Variants in EXOC3L1 observed in about 807,000 individuals in gnomAD.
The protein encoded by EXOC3L1 is exocyst complex component 3 like 1, also known as exocyst complex component 3-like protein.
Under a neutral mutation model 83.6 loss-of-function variants are expected in EXOC3L1, and 79 were observed. The ratio of observed to expected loss-of-function variants is 0.95; its 90% confidence interval spans 0.79 to 1.14. The LOEUF is 1.14. EXOC3L1 is among the 50% of genes most tolerant of loss of function. EXOC3L1 has a pLI of 0.00. For synonymous variants in EXOC3L1, 433 were observed against 451.2 expected (o/e 0.96, Z 0.51); for missense variants, 945 against 972.0 (o/e 0.97, Z 0.37).
At position 67,187,526 on chromosome 16, in the gene EXOC3L1, G is replaced by T. The variant is rs747625411; in HGVS notation, c.739C>A (p.Arg247Ser). Reference protein sequence around the residue: ...LGQVPRDWRQRCLRALQEGLE... With the variant: ...LGQVPRDWRQSCLRALQEGLE... ...CCCTCCTGTAGTGCCCTCAGACAGC[G>T]CTGACGCCAGTCCCGGGGGACCTGG... The change falls in exon 5 of 14, where the codon CGC (arginine) becomes AGC (serine). Residue 247 changes from arginine (R) to serine (S), a missense_variant. Transcript: ENST00000314586. 1.9e-6 allele frequency: 3 copies of T among 1,602,310 alleles called. No individual in the cohort carries two copies. The highest frequency in any genetic ancestry group is 1.1e-5 in the South Asian group (1 of 90,936).
chr16:67,184,618 A>T lies in EXOC3L1; in HGVS notation c.2031-14T>A. 6.3e-7 allele frequency: 1 copy of T among 1,586,002 alleles called. No individual in the cohort carries two copies. Among genetic ancestry groups the T allele is most frequent in the Non-Finnish European group, 8.5e-7 (1 of 1,171,242 alleles). On this transcript the variant is annotated splice_polypyrimidine_tract_variant and intron_variant, in intron 13 of 13. Transcript: ENST00000314586. ...ACGTGGTCCTCGCTGCAGGGGCACCAAGGAGGCGCGTCAGCCCCGTCCTCC... is the reference window on the plus strand; with the variant it reads ...ACGTGGTCCTCGCTGCAGGGGCACCTAGGAGGCGCGTCAGCCCCGTCCTCC...
At chr16:67,186,517 C>T (rs761804020) in intron 8 of EXOC3L1, 40 bp downstream of exon 8, 1 of 1,597,422 alleles carries the variant, frequency 6.3e-7, no homozygotes, top group Non-Finnish European at 8.6e-7. Flanking sequence ...GCCTGGGGAG[C>T]AGGGATAGGG....
At chr16:67,186,405 C>T (rs1416707884) in intron 8 of EXOC3L1, 58 bp from the exon 9 acceptor site, 3 of 1,441,364 alleles carry the variant, frequency 2.1e-6, no homozygotes, top group Non-Finnish European at 2.9e-6. Context: ...CCCACAGCCC[C>T]AGTCCCTGGT....
chr16:67,185,198 C>A lies in EXOC3L1; in HGVS notation c.1687G>T (p.Val563Leu). 6.2e-7 allele frequency: 1 copy of A among 1,613,204 alleles called. No individual in the cohort carries two copies. The highest frequency in any genetic ancestry group is 8.5e-7 in the Non-Finnish European group (1 of 1,179,970). Residue 563 changes from valine to leucine, a missense_variant, in exon 11 of 14, where the codon GTG becomes TTG. Val to Leu is a conservative substitution (Grantham distance 32). Transcript: ENST00000314586. Reference protein sequence around the residue: ...WLSSPELLQSVCERTGRFCRD... With the variant: ...WLSSPELLQSLCERTGRFCRD... Reference sequence around the variant, plus strand: ...CAGAAGCGCCCCGTCCGTTCACACACACTTTGCAGGAGCTCAGGGCTCGAC... The same window carrying A: ...CAGAAGCGCCCCGTCCGTTCACACAAACTTTGCAGGAGCTCAGGGCTCGAC...
At position 67,189,026 on chromosome 16, in the gene EXOC3L1, G is replaced by A; in HGVS notation, c.201C>T (p.Arg67=). ...CCCCCTGCCCCATGCCCACCTTGAG[G>A]CGCGATTCCAGGGAGCAGGTACGCT... is the stretch of plus-strand genomic sequence containing the variant. The part of the protein sequence containing the change: ...EVQRTCSLES[R]LKSVMQSYLE... Residue 67 remains arginine, a synonymous_variant, in exon 3 of 14, where the codon CGC becomes CGT. Coordinates refer to ENST00000314586, the MANE Select transcript of EXOC3L1 (RefSeq NM_178516.4). 1.9e-6 allele frequency: 3 copies of A among 1,604,080 alleles called. No homozygotes were observed. The highest frequency in any genetic ancestry group is 1.3e-5 in the African/African-American group (1 of 74,886).
chr16:67,185,109 C>G, intron 11 of EXOC3L1, 27 bp downstream of exon 11: 1 of 1,612,966 alleles, frequency 6.2e-7, no homozygotes, highest in Non-Finnish European at 8.5e-7. Flanking sequence ...CGCGCCGCCC[C>G]TTCCCCAATC....
chr16:67,189,235 C>T (rs746486475), intron 2 of EXOC3L1, 55 bp from the exon 3 acceptor site: 2 of 1,443,694 alleles, frequency 1.4e-6, no homozygotes, highest in Admixed American at 5.1e-5. Context: ...CCCAACGACC[C>T]CAGTCCCAGC....
At position 67,184,507 on chromosome 16, in the gene EXOC3L1, A is replaced by G. The variant is rs916400454; in HGVS notation, c.2128T>C (p.Ser710Pro). Residue 710 changes from serine (S) to proline (P), a missense_variant, in exon 14 of 14, where the codon TCG (serine) becomes CCG (proline). Physicochemically the swap from Ser to Pro is moderately conservative, Grantham distance 74 (BLOSUM62 -1). Coordinates refer to ENST00000314586, the MANE Select transcript of EXOC3L1 (RefSeq NM_178516.4). ...AGGACGCGGCGGCTCGCGCGGGGCG[A>G]CGGCGGCAGCGCAGCCTGCAGGGAG... ...LSSLQAALPP[S>P]PRASRRVLFS... 5 of 1,519,058 alleles carry G rather than the reference A, an allele frequency of 3.3e-6. No homozygotes were observed. Among genetic ancestry groups the G allele is most frequent in the Non-Finnish European group, 4.4e-6 (5 of 1,141,146 alleles). The allele number at this position is 1,519,058 out of a possible 1,614,324, so 94.1% of individuals were successfully genotyped here.
chr16:67,184,713 C>A lies in EXOC3L1; in HGVS notation c.2003G>T (p.Gly668Val). 6.3e-7 allele frequency: 1 copy of A among 1,578,626 alleles called. No individual in the cohort carries two copies. Residue 668 changes from glycine (G) to valine (V), a missense_variant, in exon 13 of 14, where the codon GGC becomes GTC. Transcript: ENST00000314586. ...DPALLGLEVA[G>V]LRQQFPDVSE... ...CACGTCGGGAAATTGTTGCCGCAGG[C>A]CAGCCACCTCCAGGCCCAGCAGCGC...
chr16:67,185,810 T>A, intron 9 of EXOC3L1: 1 of 506,282 alleles, frequency 2.0e-6, no homozygotes, highest in Non-Finnish European at 3.6e-6. Flanking sequence ...TCATCACTTG[T>A]TTTCCTTGCC....
Position 67,186,843 on chromosome 16 carries a change from C to T in EXOC3L1, c.1200G>A (p.Glu400=). 3.1e-6 allele frequency: 5 copies of T among 1,613,626 alleles called. No homozygotes were observed. Among genetic ancestry groups the T allele is most frequent in the African/African-American group, 1.3e-5 (1 of 75,066 alleles). The change falls in exon 7 of 14, where the codon GAG becomes GAA. Residue 400 remains glutamate, a synonymous_variant. Coordinates refer to ENST00000314586, the MANE Select transcript of EXOC3L1 (RefSeq NM_178516.4). ...SQWLQNALDG[E]VAEWGREHGP... is the part of the protein sequence containing the mutation. Reference sequence around the variant, plus strand: ...CATGCTCCCGGCCCCACTCAGCTACCTCCCCATCCAGTGCATTCTGCAGCC... The same window carrying T: ...CATGCTCCCGGCCCCACTCAGCTACTTCCCCATCCAGTGCATTCTGCAGCC...
Position 67,188,593 on chromosome 16 carries a change from A to G in EXOC3L1, c.427+128T>C, listed in dbSNP as rs183358436. 1.5e-5 allele frequency: 13 copies of G among 865,144 alleles called. No individual in the cohort carries two copies. The East Asian group carries it at 3.5e-4, about 23-fold the overall frequency. The allele number at this position is 865,144 out of a possible 1,614,324, so 53.6% of individuals were successfully genotyped here. A position where few individuals can be genotyped will look rare whatever the true frequency, so the allele number is the denominator to read the frequency against. ...TCATAGGCCATGGGAAGCCCGGGCTACTGTCTGGGAGGTCCCTGGTGTGCT... is the reference window on the plus strand; with the variant it reads ...TCATAGGCCATGGGAAGCCCGGGCTGCTGTCTGGGAGGTCCCTGGTGTGCT... On this transcript the variant is annotated intron_variant, in intron 4 of 13. Coordinates refer to ENST00000314586, the MANE Select transcript of EXOC3L1 (RefSeq NM_178516.4).
chr16:67,189,741 T>C, intron 1 of EXOC3L1, 58 bp from the exon 2 acceptor site: 1 of 1,537,462 alleles, frequency 6.5e-7, no homozygotes, highest in South Asian at 1.1e-5. Context: ...GATGCCCCTG[T>C]GAGCTGCTGC....
rs904462682 is a variant in EXOC3L1 at position 67,186,280 on chromosome 16, C to T, written c.1453G>A (p.Val485Met). 11 of 1,578,824 alleles carry T rather than the reference C, an allele frequency of 7.0e-6. No homozygotes were observed. Among genetic ancestry groups the T allele is most frequent in the African/African-American group, 6.8e-5 (5 of 74,034 alleles). The change falls in exon 9 of 14, where the codon GTG (valine) becomes ATG (methionine). Residue 485 changes from valine (V) to methionine (M), a missense_variant. Val to Met is a conservative substitution (Grantham distance 21). Coordinates refer to ENST00000314586, the MANE Select transcript of EXOC3L1 (RefSeq NM_178516.4). ...FRGKSMAPHY[V>M]PYLLAALNHK... is the part of the protein sequence containing the mutation. ...TTGAGGGCGGCCAGTAGGTAGGGCA[C>T]GTAATGAGGGGCCATTGATTTCCCC...
rs138207138 is a variant in EXOC3L1 at position 67,189,100 on chromosome 16, G to A, written c.127C>T (p.Arg43Trp). 2,670 of 1,608,134 alleles carry A rather than the reference G, an allele frequency of 1.7e-3. 14 individuals carry two copies. Among genetic ancestry groups the A allele is most frequent in the South Asian group, 9.6e-3 (874 of 90,760 alleles). ...ALKWASGIFY[R>W]PEQLARLGQY... ...CCTAGCCTGGCCAGCTGCTCCGGCC[G>A]GTAGAAGATGCCTGAGGCCCACTTG... The change falls in exon 3 of 14, where the codon CGG becomes TGG. Residue 43 changes from arginine (R) to tryptophan (W), a missense_variant. Arg to Trp is a moderately radical substitution (Grantham distance 101). Coordinates refer to ENST00000314586, the MANE Select transcript of EXOC3L1 (RefSeq NM_178516.4).
Position 67,184,672 on chromosome 16 carries a change from C to T in EXOC3L1, c.2030+14G>A, listed in dbSNP as rs747185083. ...CCCTCCGGCTTCTCTTCCCTTCTGG[C>T]CCCCAGTCCGCACCTCACGTCGGGA... On this transcript the variant is annotated intron_variant, in intron 13 of 13. Transcript: ENST00000314586. 6.3e-7 allele frequency: 1 copy of T among 1,577,242 alleles called. No homozygotes were observed. The highest frequency in any genetic ancestry group is 8.6e-7 in the Non-Finnish European group (1 of 1,166,024).
Position 67,188,929 on chromosome 16 carries a change from C to G in EXOC3L1, c.219G>C (p.Gln73His), listed in dbSNP as rs2032805860. 6.2e-7 allele frequency: 1 copy of G among 1,612,908 alleles called. No individual in the cohort carries two copies. Among genetic ancestry groups the G allele is most frequent in the Non-Finnish European group, 8.5e-7 (1 of 1,179,846 alleles). ...CAGTCTGCACGCCTTCCAGGTATGACTGCATCACTGACTGTGGAAAGATGG... is the reference window on the plus strand; with the variant it reads ...CAGTCTGCACGCCTTCCAGGTATGAGTGCATCACTGACTGTGGAAAGATGG... Reference protein sequence around the residue: ...SLESRLKSVMQSYLEGVQTGV... With the variant: ...SLESRLKSVMHSYLEGVQTGV... The change falls in exon 4 of 14, where the codon CAG becomes CAC. Residue 73 changes from glutamine (Q) to histidine (H), a missense_variant. By Grantham distance (24) the Gln-to-His change is conservative (BLOSUM62 0). Transcript: ENST00000314586.
rs777248961 is a variant in EXOC3L1, at chr16:67,185,180, G to A, written c.1705C>T (p.Arg569Cys). ...LLQSVCERTG[R>C]FCRDFWRVRN... ...ACGCGCCAGAAGTCCCGGCAGAAGC[G>A]CCCCGTCCGTTCACACACACTTTGC... The change falls in exon 11 of 14, where the codon CGC becomes TGC. Residue 569 changes from arginine to cysteine, a missense_variant. Transcript: ENST00000314586. The A allele has an allele frequency of 6.2e-7, 1 of 1,613,440 alleles. No homozygotes were observed. Among genetic ancestry groups the A allele is most frequent in the South Asian group, 1.1e-5 (1 of 91,084 alleles).
chr16:67,187,874 G>A, intron 4 of EXOC3L1, 37 bp from the exon 5 acceptor site: 1 of 1,536,868 alleles, frequency 6.5e-7, no homozygotes. Flanking sequence ...CTGGGTCTCA[G>A]CCTTCCCACC....
Sources: allele counts gnomAD v4.1 joint callset, GRCh38; gene constraint gnomAD v4.1.1; transcripts MANE v1.5; gene names NCBI Gene and HGNC (gene_info 2026-07-23, HGNC 2026-07-21).